DYM: variants seen among roughly 807,000 people sequenced by gnomAD.
The protein encoded by DYM is dymeclin.
A neutral mutation model predicts 93.1 loss-of-function variants in DYM; 78 were observed. The observed-to-expected ratio is 0.84, with a 90% confidence interval of 0.70 to 1.01. The LOEUF is 1.01. DYM is among the 50% of genes least tolerant of loss of function. The probability of loss-of-function intolerance (pLI) is 0.00; values close to 1 mark genes in which losing one functional copy is unlikely to be tolerated. For synonymous variants in DYM, 321 were observed against 319.7 expected, an observed-to-expected ratio of 1.00 and a Z score of -0.04; for missense variants, 789 against 845.0, an observed-to-expected ratio of 0.93 and a Z score of 0.82.
chr18:49,302,802 C>T (rs141142746), intron 8 of DYM, among the ~76,000 whole-genome samples: 2 of 152,286 alleles, frequency 1.3e-5, no homozygotes, highest in East Asian at 3.9e-4. Context: ...CGCAGATTTG[C>T]ATCCATGCTG....
rs72642468 is a variant in DYM at position 49,428,869 on chromosome 18, A to G, written c.140+1386T>C. Among the ~76,000 whole-genome samples, 738 of 152,326 alleles carry G rather than the reference A, an allele frequency of 4.8e-3. 38 individuals are homozygous for G. The East Asian group carries it at 0.1, about 21-fold the overall frequency. On this transcript the variant is annotated intron_variant, in intron 2 of 17. Coordinates refer to ENST00000675505, the MANE Select transcript of DYM (RefSeq NM_001353214.3). ...TTTAAATGGGTGAATTACATGATATATGAAACATATCTCAAAAAGTGTATT... is the reference window on the plus strand; with the variant it reads ...TTTAAATGGGTGAATTACATGATATGTGAAACATATCTCAAAAAGTGTATT...
intron 2 of DYM, among the ~76,000 whole-genome samples, chr18:49,418,227 T>TCA (rs748623174): frequency 2.6e-5 from 4 of 152,186 alleles, no homozygotes; most frequent in Non-Finnish European, 5.9e-5. Context: ...ACGATTATGT[T>TCA]CACACACACC....
At chr18:49,350,879 T>G (rs2065061457) in intron 6 of DYM, among the ~76,000 whole-genome samples, 1 of 152,090 alleles carries the variant, frequency 6.6e-6, no homozygotes, top group South Asian at 2.1e-4. Flanking sequence ...ACATATTACC[T>G]ATTAAAAATA....
chr18:49,072,718 C>T (rs1011058007), intron 17 of DYM, among the ~76,000 whole-genome samples: 4 of 152,198 alleles, frequency 2.6e-5, no homozygotes, highest in Admixed American at 6.5e-5. Context: ...TGAAAGGCTC[C>T]TTGAAGGAGT....
At chr18:49,338,268 A>C (rs2063819260) in intron 6 of DYM, among the ~76,000 whole-genome samples, 1 of 152,232 alleles carries the variant, frequency 6.6e-6, no homozygotes, top group Non-Finnish European at 1.5e-5. Flanking sequence ...TTCATAGGAC[A>C]TCTATGAAGA....
chr18:49,255,922 A>T lies in DYM; in HGVS notation c.1460+1088T>A, dbSNP rs370800643. ...GGGTGAAACCCCATCTCTACTAAAAATACAAAAAAAAATTAGCCGGGTGTG... is the reference window on the plus strand; with the variant it reads ...GGGTGAAACCCCATCTCTACTAAAATTACAAAAAAAAATTAGCCGGGTGTG... On this transcript the variant is annotated intron_variant, in intron 13 of 17. Coordinates refer to ENST00000675505, the MANE Select transcript of DYM (RefSeq NM_001353214.3). Among the ~76,000 whole-genome samples the T allele has an allele frequency of 2.3e-4, 35 of 151,494 alleles. 1 individual carries two copies. The East Asian group carries it at 4.3e-3, about 19-fold the overall frequency.
intron 6 of DYM, among the ~76,000 whole-genome samples, chr18:49,334,706 C>A (rs1324902748): frequency 6.6e-6 from 1 of 152,142 alleles, no homozygotes; most frequent in Non-Finnish European, 1.5e-5. Context: ...AAATACTTAA[C>A]ACCTACTTAA....
At chr18:49,402,296 G>A (rs2070944569) in intron 2 of DYM, among the ~76,000 whole-genome samples, 1 of 152,094 alleles carries the variant, frequency 6.6e-6, no homozygotes, top group African/African-American at 2.4e-5. Context: ...CATCTAATGG[G>A]GAGTCATTAA....
At position 49,427,587 on chromosome 18, in the gene DYM, TAA is replaced by T. The variant is rs79850548; in HGVS notation, c.140+2666_140+2667del. ...GTGTGATAATGGTATTATGGTTATG[TAA>T]AAAAAAAGACTTTACGATACTTAAA... On this transcript the variant is annotated intron_variant, in intron 2 of 17. Transcript: ENST00000675505. Among the ~76,000 whole-genome samples the T allele has an allele frequency of 3.3e-5, 5 of 150,990 alleles. No individual in the cohort carries two copies. The South Asian group carries it at 8.4e-4, about 25-fold the overall frequency.
At chr18:49,289,904 A>G (rs1398394685) in intron 8 of DYM, among the ~76,000 whole-genome samples, 2 of 151,122 alleles carry the variant, frequency 1.3e-5, no homozygotes, top group Non-Finnish European at 2.9e-5. Context: ...CCATGAGACT[A>G]GAACATTTTT....
At chr18:49,314,102 A>G (rs1290735497) in intron 8 of DYM, among the ~76,000 whole-genome samples, 2 of 152,316 alleles carry the variant, frequency 1.3e-5, no homozygotes, top group East Asian at 1.9e-4. Flanking sequence ...TCCCTATCAA[A>G]TATTATTTTA....
chr18:49,191,431 A>G (rs760259030), intron 14 of DYM, among the ~76,000 whole-genome samples: 1 of 152,070 alleles, frequency 6.6e-6, no homozygotes, highest in Non-Finnish European at 1.5e-5. Flanking sequence ...TTACTTTGAG[A>G]AGAAAAAAAA....
In DYM at chr18:49,159,937, T is replaced by C. The variant is rs141850079; in HGVS notation, c.1728+3748A>G. Among the ~76,000 whole-genome samples the C allele has an allele frequency of 3.0e-3, 460 of 152,316 alleles. 3 individuals carry two copies. Among genetic ancestry groups the C allele is most frequent in the African/African-American group, 0.01 (425 of 41,572 alleles). The stretch of plus-strand genomic sequence containing the variant: ...TTAAAAAGCATTCATAACTGATTTA[T>C]TATCTTTGTTTCATTTTCTATATTC... On this transcript the variant is annotated intron_variant, in intron 15 of 17. Coordinates refer to ENST00000675505, the MANE Select transcript of DYM (RefSeq NM_001353214.3).
chr18:49,136,250 G>C (rs1281326950), intron 15 of DYM, among the ~76,000 whole-genome samples: 1 of 152,178 alleles, frequency 6.6e-6, no homozygotes, highest in Non-Finnish European at 1.5e-5. Flanking sequence ...CCTTACTACA[G>C]CAAGTGTTAC....
chr18:49,232,370 G>A (rs1210380794), intron 13 of DYM, among the ~76,000 whole-genome samples: 1 of 150,874 alleles, frequency 6.6e-6, no homozygotes, highest in Non-Finnish European at 1.5e-5. Flanking sequence ...GCAGTGGCGC[G>A]ATCTCGGCTC....
intron 15 of DYM, among the ~76,000 whole-genome samples, chr18:49,157,625 C>T (rs1391053918): frequency 6.6e-6 from 1 of 152,110 alleles, no homozygotes; most frequent in Non-Finnish European, 1.5e-5. Context: ...ATTCCATTAT[C>T]TTTTTATTAT....
At chr18:49,375,193 GACACACACACACACAC>G (rs34631271) in intron 5 of DYM, among the ~76,000 whole-genome samples, 78 of 138,002 alleles carry the variant, frequency 5.7e-4, no homozygotes, top group South Asian at 1.2e-3. Context: ...AAGGGGAAAA[GACACACACACACACAC>G]ACACACACAC....
At chr18:49,301,500 GAC>G (rs1486823701) in intron 8 of DYM, among the ~76,000 whole-genome samples, 1 of 144,926 alleles carries the variant, frequency 6.9e-6, no homozygotes, top group African/African-American at 2.6e-5. Context: ...CAGCCTGGGT[GAC>G]AGAGTGAGAC....
chr18:49,076,127 C>T (rs548894147), intron 17 of DYM, among the ~76,000 whole-genome samples: 1 of 63,780 alleles, frequency 1.6e-5, no homozygotes, highest in East Asian at 4.5e-4. Context: ...TTTTATTGCT[C>T]AAAGTAAATA....
Sources: allele counts gnomAD v4.1 joint callset (sites outside exome capture counted in the v4.1 genomes callset), GRCh38; gene constraint gnomAD v4.1.1; transcripts MANE v1.5; gene names NCBI Gene and HGNC (gene_info 2026-07-23, HGNC 2026-07-21).